The following BRD3 variants were observed in gnomAD, a reference collection of about 807,000 sequenced individuals.
BRD3 encodes bromodomain containing 3.
A neutral mutation model predicts 66.8 loss-of-function variants in BRD3; 17 were observed. The observed-to-expected ratio is 0.25, with a 90% CI of 0.17 to 0.38. The LOEUF is 0.38. Ranked by LOEUF, BRD3 falls within the 10% of genes least tolerant of loss-of-function variation. BRD3 has a pLI of 1.00. For synonymous variants in BRD3, 421 were observed against 393.2 expected, an observed-to-expected ratio of 1.07 and a Z score of -0.84; for missense variants, 713 against 956.1, an observed-to-expected ratio of 0.75 and a Z score of 3.35.
chr9:134,033,626 G>A lies in BRD3; in HGVS notation c.2145C>T (p.Ser715=). 1.3e-6 allele frequency: 1 copy of A among 771,582 alleles called. No homozygotes were observed. Among genetic ancestry groups the A allele is most frequent in the Non-Finnish European group, 2.4e-6 (1 of 413,736 alleles). The allele number at this position is 771,582 out of a possible 1,614,324, so 47.8% of individuals were successfully genotyped here. A position where few individuals can be genotyped will look rare whatever the true frequency, so the allele number is the denominator to read the frequency against. The change falls in exon 12 of 12, where the codon TCC becomes TCT. Residue 715 remains serine, a synonymous_variant. Coordinates refer to ENST00000303407, the MANE Select transcript of BRD3 (RefSeq NM_007371.4). This position sits in a 1 kb window ranked among gnomAD's most constrained non-coding sequence, Gnocchi z 5.1. Reference sequence around the variant, plus strand: ...CACTGCTGTCAGAGCTGGACCCGCTGGAGCTGCTGCTCCCAGACTCGGAGG... The same window carrying A: ...CACTGCTGTCAGAGCTGGACCCGCTAGAGCTGCTGCTCCCAGACTCGGAGG... ...SSSSESGSSS[S]SGSSSDSSDS...
At position 134,046,612 on chromosome 9, in the gene BRD3, G is replaced by A. The variant is rs183250794; in HGVS notation, c.1087-1191C>T. On this transcript the variant is annotated intron_variant, in intron 6 of 11. Transcript: ENST00000303407. The stretch of plus-strand genomic sequence containing the variant: ...ATGTTGGGGGAAAAGCTAGTTTTCC[G>A]TTTTAGCATGTGCCGGGATAAACCA... 2.7e-3 allele frequency among the ~76,000 whole-genome samples: 411 copies of A among 152,332 alleles called. 4 individuals are homozygous for A. Among genetic ancestry groups the A allele is most frequent in the African/African-American group, 9.6e-3 (398 of 41,566 alleles).
At chr9:134,041,144 C>CT (rs1830037346) in intron 8 of BRD3, among the ~76,000 whole-genome samples, 1 of 152,244 alleles carries the variant, frequency 6.6e-6, no homozygotes. Context: ...CCTCCTGACT[C>CT]GACAGCCCTG....
chr9:134,051,797 T>C, intron 3 of BRD3, 88 bp from the exon 4 acceptor site: 2 of 1,425,904 alleles, frequency 1.4e-6, no homozygotes, highest in Admixed American at 2.8e-5. Context: ...AAAAAAATAT[T>C]TAAAATTTGT....
intron 6 of BRD3, among the ~76,000 whole-genome samples, chr9:134,046,264 G>C (rs1830161479): frequency 6.6e-6 from 1 of 152,240 alleles, no homozygotes; most frequent in Non-Finnish European, 1.5e-5. Flanking sequence ...GTGGCCACTG[G>C]GAACACACTA....
chr9:134,050,234 C>T (rs1178063463), intron 5 of BRD3, 140 bp downstream of exon 5: 2 of 746,852 alleles, frequency 2.7e-6, no homozygotes, highest in Non-Finnish European at 4.3e-6. Flanking sequence ...ACGGCCTGAG[C>T]TCCCAGGGCG....
chr9:134,034,617 G>A (rs1843569497), intron 11 of BRD3, 84 bp downstream of exon 11: 13 of 1,554,992 alleles, frequency 8.4e-6, no homozygotes, highest in African/African-American at 5.4e-5. Flanking sequence ...ACACTCAGAC[G>A]TGGGCCTGCT....
At chr9:134,034,372 A>G in intron 11 of BRD3, 1 of 265,488 alleles carries the variant, frequency 3.8e-6, no homozygotes. Context: ...AACAGTCAGA[A>G]AGCTCACGGT....
chr9:134,055,906 G>A (rs953050178), intron 1 of BRD3: 7 of 152,398 alleles, frequency 4.6e-5, no homozygotes, highest in African/African-American at 7.2e-5. Context: ...AGGATCCCAC[G>A]CCTGGCCAGA....
At chr9:134,053,773 G>T (rs375656987) in intron 1 of BRD3, 183 bp from the exon 2 acceptor site, 5 of 495,116 alleles carry the variant, frequency 1.0e-5, no homozygotes, top group Non-Finnish European at 1.8e-5. Flanking sequence ...GGCGAAGCGC[G>T]ACCAGCTCAG....
intron 6 of BRD3, 138 bp downstream of exon 6, chr9:134,047,945 G>A (rs1830210128): frequency 3.2e-6 from 4 of 1,236,944 alleles, no homozygotes; most frequent in East Asian, 2.8e-5. Context: ...CGCTGCGGGG[G>A]CCAGCCTGGA....
chr9:134,051,872 TG>T lies in BRD3; in HGVS notation c.352-164del, dbSNP rs1475778585. Among the ~76,000 whole-genome samples the T allele has an allele frequency of 2.7e-3, 287 of 108,252 alleles. 10 individuals are homozygous for T. Among genetic ancestry groups the T allele is most frequent in the African/African-American group, 0.013 (282 of 21,148 alleles). 71.0% of individuals were successfully genotyped at this position (108,252 alleles called of 152,430 possible). A position where few individuals can be genotyped will look rare whatever the true frequency, so the allele number is the denominator to read the frequency against. ...ATGTGTGTGTGTGTGTGTGTGTGTG[TG>T]TGTGTTGTTTTTTTTGTTTTTTTTT... is the stretch of plus-strand genomic sequence containing the variant. On this transcript the variant is annotated intron_variant, in intron 3 of 11. Coordinates refer to ENST00000303407, the MANE Select transcript of BRD3 (RefSeq NM_007371.4).
intron 4 of BRD3, 91 bp from the exon 5 acceptor site, chr9:134,050,679 A>G: frequency 9.1e-7 from 1 of 1,093,330 alleles, no homozygotes; most frequent in Non-Finnish European, 1.3e-6. Context: ...GAACACGGGT[A>G]CCAGCTCTGT....
chr9:134,048,433 C>T lies in BRD3; in HGVS notation c.736G>A (p.Ala246Thr). Reference protein sequence around the residue: ...VVKKKGVKRKADTTTPTTSAI... With the variant: ...VVKKKGVKRKTDTTTPTTSAI... ...GACGTCGTGGGAGTGGTTGTGTCTG[C>T]TTTCCGCTTCACGCCCTTTTTCTGC... The change falls in exon 6 of 12, where the codon GCA becomes ACA. Residue 246 changes from alanine to threonine, a missense_variant. This residue lies in a region of BRD3 where 418 missense variants were observed against 609.3 expected (regional missense o/e 0.69). Coordinates refer to ENST00000303407, the MANE Select transcript of BRD3 (RefSeq NM_007371.4). The T allele has an allele frequency of 6.3e-7, 1 of 1,598,568 alleles. No individual in the cohort carries two copies. Among genetic ancestry groups the T allele is most frequent in the Non-Finnish European group, 8.5e-7 (1 of 1,179,892 alleles).
intron 7 of BRD3, 98 bp from the exon 8 acceptor site, chr9:134,042,049 C>A (rs1160406514): frequency 3.8e-6 from 5 of 1,318,960 alleles, no homozygotes; most frequent in East Asian, 5.5e-5. Context: ...TGAGGCAGCA[C>A]CCACAGCTGT....
chr9:134,033,501 G>C lies in BRD3; in HGVS notation c.*89C>G. The C allele has an allele frequency of 1.5e-6, 1 of 648,616 alleles. No homozygotes were observed. 40.2% of individuals were successfully genotyped at this position (648,616 alleles called of 1,614,324 possible). On this transcript the variant is annotated 3_prime_UTR_variant, in exon 12 of 12. Transcript: ENST00000303407. The surrounding 1 kb of genome is among the most constrained non-coding windows in gnomAD (Gnocchi z 5.1). ...TTAAGAAGCAGACCTGCACACCATG[G>C]AACAGAAGTAGTAATATGAACCACA...
chr9:134,059,413 C>A (rs1830492218), intron 1 of BRD3, among the ~76,000 whole-genome samples: 1 of 152,204 alleles, frequency 6.6e-6, no homozygotes, highest in Admixed American at 6.5e-5. Flanking sequence ...AGGGGTGGGG[C>A]AGATGGACTC....
At chr9:134,039,230 A>T (rs1588275301) in intron 9 of BRD3, among the ~76,000 whole-genome samples, 1 of 152,200 alleles carries the variant, frequency 6.6e-6, no homozygotes. Flanking sequence ...AGTGGCGAGG[A>T]TCTGATCATG....
chr9:134,052,491 A>G (rs993864023), intron 2 of BRD3, 48 bp from the exon 3 acceptor site: 5 of 1,570,746 alleles, frequency 3.2e-6, no homozygotes, highest in Non-Finnish European at 4.3e-6. Flanking sequence ...CTACATAATT[A>G]TTTTCACAAT....
At chr9:134,049,787 C>A (rs1170713996) in intron 5 of BRD3, among the ~76,000 whole-genome samples, 1 of 152,242 alleles carries the variant, frequency 6.6e-6, no homozygotes, top group Non-Finnish European at 1.5e-5. Flanking sequence ...GAAGATAATA[C>A]ACATAAGTGC....
Sources: gnomAD v4.1 joint callset for allele counts (sites outside exome capture counted in the v4.1 genomes callset) on GRCh38, gnomAD v4.1.1 for gene constraint, gnomAD v4.1.1 regional missense constraint, Gnocchi (gnomAD v3.1) non-coding constraint, MANE v1.5 for transcripts, NCBI Gene and HGNC (gene_info 2026-07-23, HGNC 2026-07-21) for gene names.